The following ZFAND3 variants were observed in gnomAD, a reference collection of about 807,000 sequenced individuals.
The protein encoded by ZFAND3 is zinc finger AN1-type containing 3.
In ZFAND3, 10 loss-of-function variants were observed where a neutral mutation model predicts 29.6. The ratio of observed to expected loss-of-function variants is 0.34; its 90% CI spans 0.21 to 0.57. The LOEUF (loss-of-function observed/expected upper bound fraction) is 0.57. ZFAND3 is among the 20% of genes least tolerant of loss of function. The pLI, the probability that ZFAND3 is intolerant of heterozygous loss-of-function variation, is 0.86. For missense variants in ZFAND3, 230 were observed against 304.5 expected, an observed-to-expected ratio of 0.76 and a Z score of 1.82; for synonymous variants, 128 against 112.6, an observed-to-expected ratio of 1.14 and a Z score of -0.87.
intron 4 of ZFAND3, among the ~76,000 whole-genome samples, chr6:38,083,206 A>G (rs941455934): frequency 1.3e-5 from 2 of 152,176 alleles, no homozygotes; most frequent in African/African-American, 2.4e-5. Flanking sequence ...GAAGTAGCAC[A>G]AACTGTTTCC....
Position 37,983,343 on chromosome 6 carries a change from C to CTTTTTTTTTTTTTTTTTTTTTTT in ZFAND3, c.112+53352_112+53374dup, listed in dbSNP as rs70981516. 8.0e-5 allele frequency among the ~76,000 whole-genome samples: 4 copies of CTTTTTTTTTTTTTTTTTTTTTTT among 50,040 alleles called. 1 individual carries two copies. The highest frequency in any genetic ancestry group is 2.4e-4 in the African/African-American group (3 of 12,356). 32.8% of individuals were successfully genotyped at this position (50,040 alleles called of 152,430 possible). A position where few individuals can be genotyped will look rare whatever the true frequency, so the allele number is the denominator to read the frequency against. ...CCTATACAGGTGTACCAGTTTTTAT[C>CTTTTTTTTTTTTTTTTTTTTTTT]TTTTTTTTTTTTTTTTTTTTTTTTT... On this transcript the variant is annotated intron_variant, in intron 2 of 5. Transcript: ENST00000287218.
intron 2 of ZFAND3, among the ~76,000 whole-genome samples, chr6:38,047,778 AT>A (rs1763932869): frequency 6.6e-6 from 1 of 152,174 alleles, no homozygotes; most frequent in Non-Finnish European, 1.5e-5. Flanking sequence ...GGTTCCTGGA[AT>A]GAAGATACGT....
intron 2 of ZFAND3, among the ~76,000 whole-genome samples, chr6:37,993,307 A>G (rs554278385): frequency 6.6e-6 from 1 of 151,652 alleles, no homozygotes; most frequent in East Asian, 1.9e-4. Flanking sequence ...TTAAAAAATG[A>G]TTTTATTTTA....
At chr6:38,107,725 C>G (rs149555674) in intron 4 of ZFAND3, among the ~76,000 whole-genome samples, 265 of 152,136 alleles carry the variant, frequency 1.7e-3, no homozygotes, top group African/African-American at 5.8e-3. Context: ...CCCAGCTACT[C>G]GAGAGGCTGA....
chr6:37,908,530 AAAAAAAAAAATT>A (rs1561930073), intron 1 of ZFAND3, among the ~76,000 whole-genome samples: 2 of 97,616 alleles, frequency 2.0e-5, no homozygotes, highest in African/African-American at 9.2e-5. Flanking sequence ...AAGTATAATT[AAAAAAAAAAATT>A]AAAAAAAAAA....
chr6:38,030,219 G>A (rs1040141784), intron 2 of ZFAND3, among the ~76,000 whole-genome samples: 1 of 148,430 alleles, frequency 6.7e-6, no homozygotes, highest in Admixed American at 6.7e-5. Context: ...TAGAGACAGG[G>A]TCTCTCTATG....
chr6:37,913,181 G>A (rs1472672366), intron 1 of ZFAND3, among the ~76,000 whole-genome samples: 1 of 152,112 alleles, frequency 6.6e-6, no homozygotes, highest in Non-Finnish European at 1.5e-5. Context: ...GAAGTTTGCT[G>A]CATCAATTGC....
At chr6:38,043,779 A>AGCTT (rs1015411753) in intron 2 of ZFAND3, among the ~76,000 whole-genome samples, 6 of 151,176 alleles carry the variant, frequency 4.0e-5, no homozygotes, top group African/African-American at 9.7e-5. Flanking sequence ...CACCACACCC[A>AGCTT]GCTTGCTTGC....
chr6:38,078,703 C>G (rs1764601014), intron 3 of ZFAND3, among the ~76,000 whole-genome samples: 1 of 152,074 alleles, frequency 6.6e-6, no homozygotes, highest in South Asian at 2.1e-4. Flanking sequence ...ATCTATTGTC[C>G]CAACCTCAGT....
intron 2 of ZFAND3, among the ~76,000 whole-genome samples, chr6:38,033,650 C>T (rs1004059855): frequency 6.6e-6 from 1 of 152,210 alleles, no homozygotes; most frequent in Non-Finnish European, 1.5e-5. Context: ...TGCCAATCCA[C>T]AGTTTTCTAT....
Position 37,837,928 on chromosome 6 carries a change from T to C in ZFAND3, c.71+17912T>C, listed in dbSNP as rs1763999573. Among the ~76,000 whole-genome samples, 3 of 152,358 alleles carry C rather than the reference T, an allele frequency of 2.0e-5. No individual in the cohort carries two copies. The South Asian group carries it at 6.2e-4, about 32-fold the overall frequency. The stretch of plus-strand genomic sequence containing the variant: ...TACAATTTAAATAGTGTCATAAATA[T>C]TACGGCAACTTGATGTTACTTTATT... On this transcript the variant is annotated intron_variant, in intron 1 of 5. Coordinates refer to ENST00000287218, the MANE Select transcript of ZFAND3 (RefSeq NM_021943.3).
At chr6:37,878,241 A>T (rs565605098) in intron 1 of ZFAND3, among the ~76,000 whole-genome samples, 1 of 152,312 alleles carries the variant, frequency 6.6e-6, no homozygotes, top group East Asian at 1.9e-4. Flanking sequence ...GCTCACTGCC[A>T]TTACTATCCG....
intron 2 of ZFAND3, among the ~76,000 whole-genome samples, chr6:37,973,989 A>C (rs1762434435): frequency 6.6e-6 from 1 of 152,172 alleles, no homozygotes; most frequent in Non-Finnish European, 1.5e-5. Context: ...AAAATAATAA[A>C]GTTTTCCTGT....
intron 2 of ZFAND3, among the ~76,000 whole-genome samples, chr6:37,993,528 T>C (rs1288719936): frequency 1.3e-5 from 2 of 152,088 alleles, no homozygotes; most frequent in African/African-American, 4.8e-5. Context: ...GGTTTCACCA[T>C]GTTGGCCAGG....
intron 1 of ZFAND3, among the ~76,000 whole-genome samples, chr6:37,901,790 C>G (rs938851678): frequency 6.6e-6 from 1 of 152,188 alleles, no homozygotes; most frequent in African/African-American, 2.4e-5. Flanking sequence ...TTTGCTGCAT[C>G]TGAACCACTA....
intron 2 of ZFAND3, among the ~76,000 whole-genome samples, chr6:37,962,189 A>T (rs2127424890): frequency 6.6e-6 from 1 of 152,356 alleles, no homozygotes; most frequent in Non-Finnish European, 1.5e-5. Context: ...AGAAATTCTG[A>T]AGTTGAAAAA....
chr6:37,897,902 T>C (rs1285510969), intron 1 of ZFAND3, among the ~76,000 whole-genome samples: 1 of 152,164 alleles, frequency 6.6e-6, no homozygotes. Flanking sequence ...AGTCTTCTTA[T>C]TGATTTATAG....
intron 5 of ZFAND3, chr6:38,142,436 A>G (rs1765981684): frequency 8.8e-6 from 4 of 453,708 alleles, no homozygotes; most frequent in Non-Finnish European, 1.4e-5. Context: ...CAACTGAGTT[A>G]CCCCCATGGG....
intron 2 of ZFAND3, among the ~76,000 whole-genome samples, chr6:37,972,761 G>A (rs142200957): frequency 2.5e-4 from 38 of 151,820 alleles, no homozygotes; most frequent in Admixed American, 8.5e-4. Context: ...CTTAAAATGG[G>A]TGGGTGAGTG....
Sources: gnomAD v4.1 joint callset for allele counts (sites outside exome capture counted in the v4.1 genomes callset) on GRCh38, gnomAD v4.1.1 for gene constraint, MANE v1.5 for transcripts, NCBI Gene and HGNC (gene_info 2026-07-23, HGNC 2026-07-21) for gene names.